The following LYRM4 variants were observed in gnomAD, a reference collection of about 807,000 sequenced individuals.
LYRM4 encodes LYR motif containing 4, also known as LYR motif-containing protein 4.
LYRM4 carries 9 observed loss-of-function variants against 11.7 expected under a neutral mutation model. The observed-to-expected ratio is 0.77, with a 90% CI of 0.46 to 1.34. The LOEUF (loss-of-function observed/expected upper bound fraction) is 1.34, where lower values mean the gene tolerates loss of function less well. Ranked by LOEUF, LYRM4 falls within the 40% of genes most tolerant of loss-of-function variation. LYRM4 has a pLI of 0.00. For missense variants in LYRM4, 133 were observed against 112.5 expected (o/e 1.18, Z -0.82); for synonymous variants, 42 against 40.4 (o/e 1.04, Z -0.15).
intron 2 of LYRM4, among the ~76,000 whole-genome samples, chr6:5,211,788 T>C (rs765910161): frequency 3.3e-5 from 5 of 152,210 alleles, no homozygotes; most frequent in Non-Finnish European, 4.4e-5. Flanking sequence ...TTATGTACTA[T>C]AGTAACAATA....
At chr6:5,151,823 T>C (rs190889308) in intron 2 of LYRM4, among the ~76,000 whole-genome samples, 2 of 152,304 alleles carry the variant, frequency 1.3e-5, no homozygotes, top group East Asian at 1.9e-4. Flanking sequence ...AATTATCAAA[T>C]AGAGTCTTTA....
chr6:5,201,698 G>A (rs960295714), intron 2 of LYRM4, among the ~76,000 whole-genome samples: 4 of 152,178 alleles, frequency 2.6e-5, no homozygotes. Context: ...GGGGCTGTGG[G>A]TGCCTTCCCC....
the LYRM4 span, among the ~76,000 whole-genome samples, chr6:5,079,566 A>T: frequency 1.7e-3 from 253 of 152,382 alleles, 1 homozygote; most frequent in Non-Finnish European, 2.8e-3. Flanking sequence ...GAAGCGTCAC[A>T]TATTAAAAGC....
chr6:5,234,614 G>A (rs17139860), intron 1 of LYRM4, among the ~76,000 whole-genome samples: 7,461 of 152,224 alleles, frequency 0.049, 599 homozygotes, highest in African/African-American at 0.16. Context: ...TTCTGCAACG[G>A]CAGGCTAATA....
chr6:5,233,437 GAAGAA>G (rs1157050128), intron 1 of LYRM4, among the ~76,000 whole-genome samples: 9 of 152,188 alleles, frequency 5.9e-5, no homozygotes, highest in Non-Finnish European at 1.5e-5. Context: ...TGGAACGTGA[GAAGAA>G]AAGTTAGGGA....
intron 2 of LYRM4, among the ~76,000 whole-genome samples, chr6:5,112,690 G>C (rs1762937966): frequency 6.6e-6 from 1 of 152,152 alleles, no homozygotes; most frequent in Admixed American, 6.5e-5. Context: ...CTAGCATCTG[G>C]AATGTGCTAG....
At chr6:5,258,441 A>G (rs573867667) in intron 1 of LYRM4, among the ~76,000 whole-genome samples, 4 of 152,346 alleles carry the variant, frequency 2.6e-5, no homozygotes, top group Admixed American at 2.6e-4. Flanking sequence ...TTGTCAAAAC[A>G]AATGTGTTAA....
At chr6:5,055,393 T>C in the LYRM4 span, among the ~76,000 whole-genome samples, 2 of 152,172 alleles carry the variant, frequency 1.3e-5, no homozygotes, top group Non-Finnish European at 2.9e-5. The surrounding 1 kb of genome is among the most constrained non-coding windows in gnomAD (Gnocchi z 4.5). Context: ...AAATACGTTC[T>C]GGTTTACAGA....
At chr6:5,079,142 A>C in the LYRM4 span, among the ~76,000 whole-genome samples, 1 of 152,212 alleles carries the variant, frequency 6.6e-6, no homozygotes, top group South Asian at 2.1e-4. Context: ...AAAAACCCAA[A>C]GAAGTGGATA....
intron 2 of LYRM4, among the ~76,000 whole-genome samples, chr6:5,158,637 C>T (rs971795814): frequency 2.0e-5 from 3 of 152,066 alleles, no homozygotes; most frequent in East Asian, 3.9e-4. Flanking sequence ...CCACCATGCC[C>T]GACTAATGTT....
intron 1 of LYRM4, among the ~76,000 whole-genome samples, chr6:5,232,014 T>C (rs1394367677): frequency 3.9e-5 from 6 of 152,240 alleles, no homozygotes; most frequent in African/African-American, 1.4e-4. Flanking sequence ...CATTTACAAA[T>C]GCTTACTGGT....
chr6:5,113,514 C>T (rs887431424), intron 2 of LYRM4: 2 of 294,170 alleles, frequency 6.8e-6, no homozygotes, highest in Non-Finnish European at 1.4e-5. Context: ...GTGGGTGCTG[C>T]CCTGAAGGGG....
chr6:5,229,759 G>A (rs1763121910), intron 1 of LYRM4, among the ~76,000 whole-genome samples: 1 of 152,132 alleles, frequency 6.6e-6, no homozygotes, highest in Admixed American at 6.5e-5. Context: ...TTTAAGAAAG[G>A]TTCTATGGGG....
At chr6:5,222,956 T>C (rs1458141671) in intron 1 of LYRM4, among the ~76,000 whole-genome samples, 1 of 152,122 alleles carries the variant, frequency 6.6e-6, no homozygotes, top group Non-Finnish European at 1.5e-5. Flanking sequence ...CTATGAATAA[T>C]AAGTGTGAAC....
the LYRM4 span, among the ~76,000 whole-genome samples, chr6:5,071,981 C>T: frequency 6.6e-6 from 1 of 152,114 alleles, no homozygotes; most frequent in Non-Finnish European, 1.5e-5. Flanking sequence ...CCTCTTCCCA[C>T]CCCCAACCTT....
Position 5,158,738 on chromosome 6 carries a change from G to T in LYRM4, c.208-49247C>A, listed in dbSNP as rs111945486. On this transcript the variant is annotated intron_variant, in intron 2 of 2. Transcript: ENST00000330636. Reference sequence around the variant, plus strand: ...TCCTTCCACCTTGGCCTCCCAAAGTGTTGGGATTAGAGGTGTGAGCCACCA... The same window carrying T: ...TCCTTCCACCTTGGCCTCCCAAAGTTTTGGGATTAGAGGTGTGAGCCACCA... Among the ~76,000 whole-genome samples, 1,375 of 152,184 alleles carry T rather than the reference G, an allele frequency of 9.0e-3. 23 individuals carry two copies. Among genetic ancestry groups the T allele is most frequent in the African/African-American group, 0.031 (1,283 of 41,490 alleles).
intron 2 of LYRM4, among the ~76,000 whole-genome samples, chr6:5,147,899 G>A (rs536275070): frequency 6.6e-6 from 1 of 152,246 alleles, no homozygotes; most frequent in East Asian, 1.9e-4. Flanking sequence ...TGATAGCCAC[G>A]CTGATGAGAG....
intron 2 of LYRM4, among the ~76,000 whole-genome samples, chr6:5,160,660 C>A (rs970667761): frequency 6.6e-6 from 1 of 151,966 alleles, no homozygotes; most frequent in Admixed American, 6.5e-5. Context: ...AGACCCCCCC[C>A]CCAGCAATGT....
the LYRM4 span, among the ~76,000 whole-genome samples, chr6:5,050,738 G>A: frequency 8.5e-5 from 13 of 152,234 alleles, no homozygotes; most frequent in African/African-American, 2.6e-4. Context: ...AAGGCAGAGA[G>A]TTACAGAGTT....
Sources: allele counts gnomAD v4.1 joint callset (sites outside exome capture counted in the v4.1 genomes callset), GRCh38; gene constraint gnomAD v4.1.1; non-coding constraint Gnocchi (gnomAD v3.1); transcripts MANE v1.5; gene names NCBI Gene and HGNC (gene_info 2026-07-23, HGNC 2026-07-21).